The following ECRG4 variants were observed in gnomAD, a reference collection of about 807,000 sequenced individuals.
The protein encoded by ECRG4 is augurin.
In ECRG4, 18 loss-of-function variants were observed where a neutral mutation model predicts 15.8. The observed-to-expected ratio is 1.14, with a 90% confidence interval of 0.79 to 1.69. The LOEUF (loss-of-function observed/expected upper bound fraction) is 1.69. ECRG4 is among the 40% of genes most tolerant of loss of function. The probability of loss-of-function intolerance (pLI) is 0.00; values close to 1 mark genes in which losing one functional copy is unlikely to be tolerated. For synonymous variants in ECRG4, 82 were observed against 73.9 expected, an observed-to-expected ratio of 1.11 and a Z score of -0.56; for missense variants, 200 against 190.9, an observed-to-expected ratio of 1.05 and a Z score of -0.28.
intron 1 of ECRG4, among the ~76,000 whole-genome samples, chr2:106,069,706 C>T (rs1013075797): frequency 4.6e-5 from 7 of 152,142 alleles, no homozygotes; most frequent in Non-Finnish European, 1.0e-4. Context: ...CATGTTTGGG[C>T]GCTAGTCCTC....
At chr2:106,065,031 G>T (rs1326568169), upstream of ECRG4, among the ~76,000 whole-genome samples, 2 of 152,088 alleles carry the variant, frequency 1.3e-5, no homozygotes, top group Non-Finnish European at 2.9e-5. Flanking sequence ...AGGGCACCAG[G>T]TTCCTGGTTT....
At chr2:106,067,568 C>T (rs562967421) in intron 1 of ECRG4, among the ~76,000 whole-genome samples, 3 of 151,766 alleles carry the variant, frequency 2.0e-5, no homozygotes, top group Admixed American at 1.3e-4. Flanking sequence ...CTCCCAGGTT[C>T]AAGCGATTCT....
At chr2:106,069,148 T>TTTTC (rs200925572) in intron 1 of ECRG4, among the ~76,000 whole-genome samples, 238 of 131,938 alleles carry the variant, frequency 1.8e-3, no homozygotes, top group African/African-American at 5.2e-3. Context: ...TCTTTCTTTC[T>TTTTC]TTTCTTTCTT....
rs1160622351 is a variant in ECRG4, at chr2:106,069,123, TCCTTTC to T, written c.80-2720_80-2715del. Reference sequence around the variant, plus strand: ...TCCTTCCTTCCTTCTTTTTCTTTCTTCCTTTCTCTTTCTTTCTTTCTTTCTTTTCTT... The same window carrying T: ...TCCTTCCTTCCTTCTTTTTCTTTCTTTCTTTCTTTCTTTCTTTCTTTTCTT... On this transcript the variant is annotated intron_variant, in intron 1 of 3. Transcript: ENST00000238044. 5.4e-5 allele frequency among the ~76,000 whole-genome samples: 8 copies of T among 147,826 alleles called. 1 individual carries two copies. Among genetic ancestry groups the T allele is most frequent in the South Asian group, 4.3e-4 (2 of 4,694 alleles).
chr2:106,076,643 T>C (rs1045084860), intron 3 of ECRG4, among the ~76,000 whole-genome samples: 1 of 152,162 alleles, frequency 6.6e-6, no homozygotes, highest in Non-Finnish European at 1.5e-5. Context: ...GTTCTCAATA[T>C]TAATTAATGT....
rs1310028882 is a variant in ECRG4, at chr2:106,078,058, AAAG to A, written c.*137_*139del. The A allele has an allele frequency of 5.0e-6, 4 of 803,892 alleles. No individual in the cohort carries two copies. In the East Asian group the frequency reaches 8.8e-5, roughly 18 times the overall value. 49.8% of individuals were successfully genotyped at this position (803,892 alleles called of 1,614,324 possible). Reference sequence around the variant, plus strand: ...TTTCTACCTACTTTGTGTGATCAAAAAAGAAGAGTTAAAACAACACATGTAAAT... The same window carrying A: ...TTTCTACCTACTTTGTGTGATCAAAAAAGAGTTAAAACAACACATGTAAAT... On this transcript the variant is annotated 3_prime_UTR_variant, in exon 4 of 4. Coordinates refer to ENST00000238044, the MANE Select transcript of ECRG4 (RefSeq NM_032411.3).
intron 1 of ECRG4, chr2:106,070,762 G>A (rs1452393824): frequency 6.5e-6 from 2 of 309,062 alleles, no homozygotes; most frequent in East Asian, 8.3e-5. Context: ...CTTGGCAGAT[G>A]CAAACGCAAT....
Position 106,077,745 on chromosome 2 carries a change from T to TTCTC in ECRG4, c.286-14_286-11dup. 1 of 1,611,854 alleles carries TTCTC rather than the reference T, an allele frequency of 6.2e-7. No homozygotes were observed. Among genetic ancestry groups the TTCTC allele is most frequent in the Non-Finnish European group, 8.5e-7 (1 of 1,178,192 alleles). ...ATGACCTTAAATCCATTCTCTATCA[T>TTCTC]TCTCTCTCTTTTCCTCCAGAAATTT... On this transcript the variant is annotated intron_variant, in intron 3 of 3. Transcript: ENST00000238044.
chr2:106,071,322 T>TAAAAAAAAAAAAAAAGAAAAAAAAAAA (rs1676362895), intron 1 of ECRG4, among the ~76,000 whole-genome samples: 1 of 78,332 alleles, frequency 1.3e-5, no homozygotes, highest in African/African-American at 5.9e-5. Context: ...GGTAAGGCTG[T>TAAAAAAAAAAAAAAAGAAAAAAAAAAA]AAAAAAAAAA....
In ECRG4 at chr2:106,074,062, T is replaced by C; in HGVS notation, c.285+19T>C. The C allele has an allele frequency of 6.2e-7, 1 of 1,608,752 alleles. No homozygotes were observed. The highest frequency in any genetic ancestry group is 8.5e-7 in the Non-Finnish European group (1 of 1,176,848). ...CGAAGCGGTAGGTGTTGCCTCCGGC[T>C]GCAGGCCTGGCTTCCACAGGGAAGG... On this transcript the variant is annotated intron_variant, in intron 3 of 3. Transcript: ENST00000238044.
chr2:106,077,839 A>T lies in ECRG4; in HGVS notation c.360A>T (p.Gln120His), dbSNP rs1182283702. 2.5e-6 allele frequency: 4 copies of T among 1,614,006 alleles called. No homozygotes were observed. In the African/African-American group the frequency reaches 5.3e-5, roughly 22 times the overall value. ...NGHEYYGDYY[Q>H]RHYDEDSAIG... ...ATGAATACTATGGCGATTACTACCA[A>T]CGTCACTATGATGAAGACTCTGCAA... Residue 120 changes from glutamine (Q) to histidine (H), a missense_variant, in exon 4 of 4, where the codon CAA (glutamine) becomes CAT (histidine). Physicochemically the swap from Gln to His is conservative, Grantham distance 24 (BLOSUM62 0). Coordinates refer to ENST00000238044, the MANE Select transcript of ECRG4 (RefSeq NM_032411.3).
chr2:106,074,273 G>C, intron 3 of ECRG4: 1 of 509,042 alleles, frequency 2.0e-6, no homozygotes, highest in Non-Finnish European at 3.5e-6. Flanking sequence ...ACCCACGGCA[G>C]TCATGAACCA....
chr2:106,063,613 C>T (rs1573354819), upstream of ECRG4, among the ~76,000 whole-genome samples: 1 of 152,108 alleles, frequency 6.6e-6, no homozygotes, highest in Admixed American at 6.5e-5. Context: ...GATAGTGTCT[C>T]GCTTTGTCAC....
chr2:106,068,446 T>C (rs989904393), intron 1 of ECRG4, among the ~76,000 whole-genome samples: 6 of 152,222 alleles, frequency 3.9e-5, no homozygotes, highest in African/African-American at 1.4e-4. Flanking sequence ...GAGTTCAGTG[T>C]ATAGTACCTG....
chr2:106,065,909 TG>T, intron 1 of ECRG4, 66 bp downstream of exon 1: 1 of 1,371,156 alleles, frequency 7.3e-7, no homozygotes, highest in Non-Finnish European at 9.6e-7. Flanking sequence ...GGCGCTTCCA[TG>T]GTGCCCGGGG....
intron 1 of ECRG4, among the ~76,000 whole-genome samples, chr2:106,067,064 G>GGT (rs1553411470): frequency 9.2e-5 from 4 of 43,556 alleles, no homozygotes; most frequent in Non-Finnish European, 2.2e-4. Flanking sequence ...GAGGCCGGGG[G>GGT]GGGGGGGGGG....
chr2:106,068,654 AC>A lies in ECRG4; in HGVS notation c.79+2812del, dbSNP rs577751653. On this transcript the variant is annotated intron_variant, in intron 1 of 3. Transcript: ENST00000238044. The stretch of plus-strand genomic sequence containing the variant: ...ACATTTCATTCATTAATTGTTAAGC[AC>A]TTTCACAGAAGGCAAACAGATGGAG... Among the ~76,000 whole-genome samples the A allele has an allele frequency of 3.6e-3, 545 of 152,330 alleles. 11 individuals are homozygous for A. Among genetic ancestry groups the A allele is most frequent in the South Asian group, 0.03 (145 of 4,828 alleles).
chr2:106,074,366 T>C (rs113743699), intron 3 of ECRG4: 3,798 of 251,696 alleles, frequency 0.015, 147 homozygotes, highest in African/African-American at 0.072. Flanking sequence ...GCCAGGGTAT[T>C]CTTAAAATAA....
Position 106,069,476 on chromosome 2 carries a change from G to A in ECRG4, c.80-2368G>A, listed in dbSNP as rs147028708. On this transcript the variant is annotated intron_variant, in intron 1 of 3. Transcript: ENST00000238044. ...AGCCTCCTGAGTAGCTGGGACTACA[G>A]GCATGCACCACCACACTAGGCTAAT... Among the ~76,000 whole-genome samples, 17 of 152,028 alleles carry A rather than the reference G, an allele frequency of 1.1e-4. No individual in the cohort carries two copies. The East Asian group carries it at 3.3e-3, about 29-fold the overall frequency.
Sources: allele counts gnomAD v4.1 joint callset (sites outside exome capture counted in the v4.1 genomes callset), GRCh38; gene constraint gnomAD v4.1.1; transcripts MANE v1.5; gene names NCBI Gene and HGNC (gene_info 2026-07-23, HGNC 2026-07-21).